The following ZNF875 variants were observed in gnomAD, a reference collection of about 807,000 sequenced individuals.
ZNF875 encodes HKR1, GLI-Kruppel zinc finger family member.
In ZNF875, 14 loss-of-function variants were observed where a neutral mutation model predicts 11.2. The ratio of observed to expected loss-of-function variants is 1.26; its 90% CI spans 0.83 to 1.96. The LOEUF is 1.96. Among genes scored for constraint, ZNF875 ranks in the 30% most tolerant of loss-of-function variants. The pLI is 0.00. For missense variants in ZNF875, 752 were observed against 760.4 expected (o/e 0.99, Z 0.13); for synonymous variants, 301 against 281.1 (o/e 1.07, Z -0.71).
chr19:37,333,121 T>G (rs1162520575), upstream of ZNF875, among the ~76,000 whole-genome samples: 1 of 152,224 alleles, frequency 6.6e-6, no homozygotes, highest in Non-Finnish European at 1.5e-5. Flanking sequence ...TGCTGTTACA[T>G]TATGTTTGAT....
At chr19:37,347,699 C>T in intron 3 of ZNF875, 78 bp from the exon 4 acceptor site, 1 of 885,812 alleles carries the variant, frequency 1.1e-6, no homozygotes, top group East Asian at 2.4e-5. Flanking sequence ...GGTTTCCTCA[C>T]CCATTTCAGC....
intron 4 of ZNF875, among the ~76,000 whole-genome samples, chr19:37,349,298 T>G (rs193156633): frequency 5.9e-4 from 90 of 152,312 alleles, no homozygotes; most frequent in Non-Finnish European, 9.3e-4. Context: ...CAATATGTCA[T>G]TTTTTGGGGA....
At chr19:37,353,899 GCTCT>G (rs1189523696) in intron 4 of ZNF875, among the ~76,000 whole-genome samples, 2 of 152,004 alleles carry the variant, frequency 1.3e-5, no homozygotes, top group Non-Finnish European at 1.5e-5. Context: ...AAGCTTCTTG[GCTCT>G]CTAAGTTTTA....
In ZNF875 at chr19:37,363,483, G is replaced by A. The variant is rs755549174; in HGVS notation, c.1631G>A (p.Arg544Gln). 40 of 1,613,444 alleles carry A rather than the reference G, an allele frequency of 2.5e-5. No individual in the cohort carries two copies. In the Admixed American group the frequency reaches 3.0e-4, roughly 12 times the overall value. Residue 544 changes from arginine (R) to glutamine (Q), a missense_variant, in exon 5 of 5, where the codon CGG becomes CAG. By Grantham distance (43) the Arg-to-Gln change is conservative. Transcript: ENST00000392153. ...FMCRECGRRF[R>Q]QKPNLFRHKR... is the part of the protein sequence containing the mutation. ...TGCAGGGAGTGTGGCAGAAGGTTTC[G>A]GCAGAAGCCTAACCTGTTTAGGCAC...
intron 2 of ZNF875, among the ~76,000 whole-genome samples, chr19:37,339,372 T>C (rs2035187808): frequency 6.6e-6 from 1 of 152,078 alleles, no homozygotes; most frequent in African/African-American, 2.4e-5. Flanking sequence ...TTCCCAATTT[T>C]TGGACTCCTG....
At chr19:37,348,939 G>T (rs1391367799) in intron 4 of ZNF875, among the ~76,000 whole-genome samples, 5 of 152,224 alleles carry the variant, frequency 3.3e-5, no homozygotes, top group African/African-American at 4.8e-5. Context: ...TTAAACAACA[G>T]AAGTTTATTT....
intron 4 of ZNF875, among the ~76,000 whole-genome samples, chr19:37,348,890 T>C (rs1600119645): frequency 6.6e-6 from 1 of 152,324 alleles, no homozygotes; most frequent in East Asian, 1.9e-4. Flanking sequence ...GTATTAGTGT[T>C]CTAGGGCTGC....
In ZNF875 at chr19:37,362,490, A is replaced by G. The variant is rs984129638; in HGVS notation, c.638A>G (p.Lys213Arg). 6.2e-7 allele frequency: 1 copy of G among 1,614,086 alleles called. No homozygotes were observed. The highest frequency in any genetic ancestry group is 1.3e-5 in the African/African-American group (1 of 74,932). ...ERRADLEETD[K>R]VLHGLEVSGF... ...AGGGCAGATCTAGAGGAAACAGACA[A>G]AGTATTGCATGGTTTAGAAGTCTCA... The change falls in exon 5 of 5, where the codon AAA becomes AGA. Residue 213 changes from lysine to arginine, a missense_variant. Physicochemically the swap from Lys to Arg is conservative, Grantham distance 26. Coordinates refer to ENST00000392153, the MANE Select transcript of ZNF875 (RefSeq NM_001353803.2).
intron 4 of ZNF875, among the ~76,000 whole-genome samples, chr19:37,352,583 CT>C: frequency 6.6e-6 from 1 of 152,060 alleles, no homozygotes. Context: ...CGTGGCATAC[CT>C]TTGTCCATTC....
At chr19:37,320,489 C>T (rs2031197368) in intron 1 of ZNF875, among the ~76,000 whole-genome samples, 1 of 152,216 alleles carries the variant, frequency 6.6e-6, no homozygotes, top group Admixed American at 6.5e-5. Flanking sequence ...GTTACAGACA[C>T]TATTACTATG....
intron 2 of ZNF875, among the ~76,000 whole-genome samples, chr19:37,345,773 C>G (rs979182906): frequency 6.6e-6 from 1 of 151,966 alleles, no homozygotes; most frequent in Admixed American, 6.6e-5. Context: ...AAATTAAACC[C>G]CTCTATGGAC....
rs2038109550 is a variant in ZNF875 at position 37,352,618 on chromosome 19, G to A, written c.256+4746G>A. Among the ~76,000 whole-genome samples, 4 of 151,878 alleles carry A rather than the reference G, an allele frequency of 2.6e-5. No homozygotes were observed. The South Asian group carries it at 8.3e-4, about 32-fold the overall frequency. On this transcript the variant is annotated intron_variant, in intron 4 of 4. Coordinates refer to ENST00000392153, the MANE Select transcript of ZNF875 (RefSeq NM_001353803.2). ...TCTTTATATTTCAATCTTTTTATTTGCGTCTTTGTATTTAAAATGAGTCTC... is the reference window on the plus strand; with the variant it reads ...TCTTTATATTTCAATCTTTTTATTTACGTCTTTGTATTTAAAATGAGTCTC...
chr19:37,324,373 A>G (rs1009539877), intron 4 of ZNF875: 6 of 152,222 alleles, frequency 3.9e-5, no homozygotes, highest in Admixed American at 3.9e-4. Context: ...CTCAGCATAT[A>G]AAATGACCCA....
At chr19:37,323,126 A>G (rs2031799939) in intron 2 of ZNF875, among the ~76,000 whole-genome samples, 1 of 151,092 alleles carries the variant, frequency 6.6e-6, no homozygotes, top group Non-Finnish European at 1.5e-5. Flanking sequence ...AAGGAGGGTC[A>G]CAAGGAGTTG....
chr19:37,361,230 C>A (rs1040856455), intron 4 of ZNF875, among the ~76,000 whole-genome samples: 8 of 151,772 alleles, frequency 5.3e-5, no homozygotes, highest in Non-Finnish European at 1.0e-4. Context: ...CCTGCCTCAG[C>A]CTCCCAAGTA....
At chr19:37,329,328 G>C (rs62109235) in intron 4 of ZNF875, among the ~76,000 whole-genome samples, 1 of 152,146 alleles carries the variant, frequency 6.6e-6, no homozygotes, top group African/African-American at 2.4e-5. Flanking sequence ...GACATTCTGG[G>C]AAGGGTGGCC....
At chr19:37,323,029 T>G (rs976796451) in intron 2 of ZNF875, among the ~76,000 whole-genome samples, 1 of 151,926 alleles carries the variant, frequency 6.6e-6, no homozygotes, top group African/African-American at 2.4e-5. Context: ...GAGTTTGTAT[T>G]ATGGTGGGTT....
At chr19:37,314,671 A>C (rs899214940), upstream of ZNF875, among the ~76,000 whole-genome samples, 9 of 151,980 alleles carry the variant, frequency 5.9e-5, no homozygotes, top group African/African-American at 2.2e-4. Context: ...CTAAAAATAT[A>C]AAAATTAGCC....
chr19:37,322,014 A>G (rs2031574887), intron 1 of ZNF875, among the ~76,000 whole-genome samples: 1 of 152,184 alleles, frequency 6.6e-6, no homozygotes, highest in African/African-American at 2.4e-5. Flanking sequence ...CGTATGTTAG[A>G]ACGGTCCTGC....
Sources: gnomAD v4.1 joint callset for allele counts (sites outside exome capture counted in the v4.1 genomes callset) on GRCh38, gnomAD v4.1.1 for gene constraint, MANE v1.5 for transcripts, NCBI Gene and HGNC (gene_info 2026-07-23, HGNC 2026-07-21) for gene names.